The following MYO5B variants were observed in gnomAD, a reference collection of about 807,000 sequenced individuals.
MYO5B encodes unconventional myosin-Vb.
MYO5B carries 143 observed loss-of-function variants against 229.3 expected under a neutral mutation model. The ratio of observed to expected loss-of-function variants is 0.62; its 90% CI spans 0.54 to 0.72. The LOEUF is 0.72. MYO5B is among the 30% of genes least tolerant of loss of function. The probability of loss-of-function intolerance (pLI) is 0.00; values close to 1 mark genes in which losing one functional copy is unlikely to be tolerated. For missense variants in MYO5B, 2,321 were observed against 2,331.0 expected (o/e 1.00, Z 0.09); for synonymous variants, 918 against 885.2 (o/e 1.04, Z -0.66).
At chr18:49,844,606 T>C (rs1021207347) in intron 33 of MYO5B, among the ~76,000 whole-genome samples, 1 of 152,256 alleles carries the variant, frequency 6.6e-6, no homozygotes, top group African/African-American at 2.4e-5. Flanking sequence ...ATGATAACTG[T>C]AGGCCATAAT....
intron 1 of MYO5B, among the ~76,000 whole-genome samples, chr18:50,180,974 C>T (rs1320980248): frequency 6.6e-6 from 1 of 151,972 alleles, no homozygotes; most frequent in Non-Finnish European, 1.5e-5. Context: ...TAATGCTGCT[C>T]CACCTCCTTA....
chr18:49,897,878 T>TCA (rs1174168622), intron 21 of MYO5B, among the ~76,000 whole-genome samples: 1 of 152,196 alleles, frequency 6.6e-6, no homozygotes, highest in Non-Finnish European at 1.5e-5. Context: ...TCCTGGACCT[T>TCA]CACATTCACT....
intron 9 of MYO5B, 32 bp downstream of exon 9, chr18:49,980,412 C>T (rs1290917978): frequency 1.4e-6 from 2 of 1,447,952 alleles, no homozygotes; most frequent in South Asian, 2.3e-5. Flanking sequence ...AAATTGTGTT[C>T]ATTTTATCTC....
At chr18:49,894,787 C>T (rs1349210064) in intron 22 of MYO5B, among the ~76,000 whole-genome samples, 154 bp downstream of exon 22, 2 of 152,256 alleles carry the variant, frequency 1.3e-5, no homozygotes, top group Non-Finnish European at 2.9e-5. Context: ...AAGCATGCCA[C>T]TTTCTGTCTA....
chr18:50,181,078 G>A (rs2033067313), intron 1 of MYO5B, among the ~76,000 whole-genome samples: 1 of 152,148 alleles, frequency 6.6e-6, no homozygotes, highest in African/African-American at 2.4e-5. Flanking sequence ...TTTCAAAAGT[G>A]CATTTTAGGA....
chr18:50,194,810 G>A lies in MYO5B; in HGVS notation c.-17C>T. 3.0e-6 allele frequency: 4 copies of A among 1,336,658 alleles called. No homozygotes were observed. The highest frequency in any genetic ancestry group is 9.5e-7 in the Non-Finnish European group (1 of 1,048,022). 82.8% of individuals were successfully genotyped at this position (1,336,658 alleles called of 1,614,324 possible). On this transcript the variant is annotated 5_prime_UTR_variant, in exon 1 of 40. Transcript: ENST00000285039. ...CACCGACATGGCCCGGGCCGGGCGG[G>A]GCTCGGGCCCCGGCTCCTGGCTGCC...
In MYO5B at chr18:49,929,597, A is replaced by G; in HGVS notation, c.2005T>C (p.Phe669Leu). The G allele has an allele frequency of 1.9e-6, 3 of 1,557,494 alleles. No individual in the cohort carries two copies. The highest frequency in any genetic ancestry group is 2.6e-6 in the Non-Finnish European group (3 of 1,159,334). The change falls in exon 17 of 40, where the codon TTT becomes CTT. Residue 669 changes from phenylalanine (F) to leucine (L), a missense_variant and splice_region_variant. Around this residue, in one of 2 missense-constraint regions of MYO5B, gnomAD observed 2,113 missense variants for 2,044.7 expected, o/e 1.03. Transcript: ENST00000285039. ...TGCTGCACTGCTCTCTTTGGGTCAAAGCTGCCAAAGGAGAAAAAAAAAAAA... is the reference window on the plus strand; with the variant it reads ...TGCTGCACTGCTCTCTTTGGGTCAAGGCTGCCAAAGGAGAAAAAAAAAAAA... ...KPNDEKLPFH[F>L]DPKRAVQQLR...
chr18:50,180,212 G>C (rs1599082468), intron 1 of MYO5B, among the ~76,000 whole-genome samples: 1 of 152,184 alleles, frequency 6.6e-6, no homozygotes, highest in African/African-American at 2.4e-5. Flanking sequence ...AGCAGACAGA[G>C]CTCCCTTCCC....
chr18:49,839,749 G>A lies in MYO5B; in HGVS notation c.4702-455C>T, dbSNP rs534312495. 185 of 227,726 alleles carry A rather than the reference G, an allele frequency of 8.1e-4. 1 individual carries two copies. Among genetic ancestry groups the A allele is most frequent in the Admixed American group, 1.6e-3 (32 of 19,442 alleles). 14.1% of individuals were successfully genotyped at this position (227,726 alleles called of 1,614,324 possible). On this transcript the variant is annotated intron_variant, in intron 35 of 39. Coordinates refer to ENST00000285039, the MANE Select transcript of MYO5B (RefSeq NM_001080467.3). Reference sequence around the variant, plus strand: ...AAATTTTATACAGATTCTATCACTGGTTATCAGAATTAATAGATGAACTAA... The same window carrying A: ...AAATTTTATACAGATTCTATCACTGATTATCAGAATTAATAGATGAACTAA...
At position 50,084,827 on chromosome 18, in the gene MYO5B, T is replaced by G. The variant is rs1346645853; in HGVS notation, c.28-29449A>C. On this transcript the variant is annotated intron_variant, in intron 1 of 39. Coordinates refer to ENST00000285039, the MANE Select transcript of MYO5B (RefSeq NM_001080467.3). Reference sequence around the variant, plus strand: ...AAGCAATGGGGAAAGGATTCCCTATTTAATAAATGGTGCTGGGAAAACTGG... The same window carrying G: ...AAGCAATGGGGAAAGGATTCCCTATGTAATAAATGGTGCTGGGAAAACTGG... 2.0e-5 allele frequency among the ~76,000 whole-genome samples: 3 copies of G among 152,310 alleles called. No individual in the cohort carries two copies. The East Asian group carries it at 5.8e-4, about 29-fold the overall frequency.
chr18:49,926,801 A>G (rs1213131186), intron 17 of MYO5B, among the ~76,000 whole-genome samples: 2 of 152,260 alleles, frequency 1.3e-5, no homozygotes, highest in African/African-American at 4.8e-5. Flanking sequence ...ATGGATAAGC[A>G]AAATGGGGTA....
Position 49,954,357 on chromosome 18 carries a change from G to T in MYO5B, c.1624C>A (p.Arg542Ser). The change falls in exon 13 of 40, where the codon CGC becomes AGC. Residue 542 changes from arginine to serine, a missense_variant. Physicochemically the swap from Arg to Ser is moderately radical, Grantham distance 110. This residue lies in a region of MYO5B where 2,113 missense variants were observed against 2,044.7 expected (regional missense o/e 1.03). Coordinates refer to ENST00000285039, the MANE Select transcript of MYO5B (RefSeq NM_001080467.3). ...HSSSQHFQKP[R>S]MSNTAFIIVH... ...ATGATGAAGGCCGTGTTGGACATGC[G>T]GGGCTTCTGGAAGTGCTGGCTGCTG... 6.2e-7 allele frequency: 1 copy of T among 1,613,976 alleles called. No homozygotes were observed. The highest frequency in any genetic ancestry group is 8.5e-7 in the Non-Finnish European group (1 of 1,179,952).
At chr18:49,914,088 G>A (rs2024986656) in intron 17 of MYO5B, among the ~76,000 whole-genome samples, 1 of 152,176 alleles carries the variant, frequency 6.6e-6, no homozygotes, top group South Asian at 2.1e-4. Flanking sequence ...CCCTGTACAA[G>A]GGCCTGGGTA....
intron 5 of MYO5B, 61 bp from the exon 6 acceptor site, chr18:49,992,492 T>C (rs2025944724): frequency 6.2e-7 from 1 of 1,611,172 alleles, no homozygotes; most frequent in Admixed American, 1.7e-5. Flanking sequence ...ATTTCAGGAT[T>C]GTATGTTTGT....
chr18:50,184,306 C>G (rs2033117186), intron 1 of MYO5B, among the ~76,000 whole-genome samples: 1 of 152,074 alleles, frequency 6.6e-6, no homozygotes, highest in South Asian at 2.1e-4. Context: ...ACCTGCCGTT[C>G]TTTCTGCACA....
At chr18:50,016,005 C>T (rs1399436310) in intron 4 of MYO5B, among the ~76,000 whole-genome samples, 1 of 152,150 alleles carries the variant, frequency 6.6e-6, no homozygotes, top group African/African-American at 2.4e-5. Context: ...TCAGCAATCA[C>T]AATTTGGTGA....
At chr18:49,946,649 A>G (rs968743961) in intron 14 of MYO5B, among the ~76,000 whole-genome samples, 6 of 139,698 alleles carry the variant, frequency 4.3e-5, no homozygotes, top group Non-Finnish European at 9.2e-5. Context: ...TTTGTACCTA[A>G]GCTGGCACTG....
rs2033285245 is a variant in MYO5B at position 50,195,081 on chromosome 18, C to CGAGGGCCGGCGAGGAGG, written c.-305_-289dup. 1 of 286,364 alleles carries CGAGGGCCGGCGAGGAGG rather than the reference C, an allele frequency of 3.5e-6. No individual in the cohort carries two copies. Among genetic ancestry groups the CGAGGGCCGGCGAGGAGG allele is most frequent in the Non-Finnish European group, 6.4e-6 (1 of 155,418 alleles). The allele number at this position is 286,364 out of a possible 1,614,324, so 17.7% of individuals were successfully genotyped here. A position where few individuals can be genotyped will look rare whatever the true frequency, so the allele number is the denominator to read the frequency against. The stretch of plus-strand genomic sequence containing the variant: ...TCCCCTCCCAGGTGTGGGGAGGAGG[C>CGAGGGCCGGCGAGGAGG]GAGGGCCGGCGAGGAGGGAGGACCC... On this transcript the variant is annotated 5_prime_UTR_variant, in exon 1 of 40. Coordinates refer to ENST00000285039, the MANE Select transcript of MYO5B (RefSeq NM_001080467.3).
intron 22 of MYO5B, among the ~76,000 whole-genome samples, chr18:49,891,172 G>A (rs1568019873): frequency 6.6e-6 from 1 of 152,100 alleles, no homozygotes; most frequent in Non-Finnish European, 1.5e-5. Context: ...CACCCACCCA[G>A]CCTACTCATG....
Sources: gnomAD v4.1 joint callset for allele counts (sites outside exome capture counted in the v4.1 genomes callset) on GRCh38, gnomAD v4.1.1 for gene constraint, gnomAD v4.1.1 regional missense constraint, MANE v1.5 for transcripts, NCBI Gene and HGNC (gene_info 2026-07-23, HGNC 2026-07-21) for gene names.